The following THRAP3 variants were observed in gnomAD, a reference collection of about 807,000 sequenced individuals.
THRAP3 encodes thyroid hormone receptor-associated protein 3.
In THRAP3, 16 loss-of-function variants were observed where a neutral mutation model predicts 101.0. The observed-to-expected ratio is 0.16, with a 90% CI of 0.11 to 0.24. The LOEUF (loss-of-function observed/expected upper bound fraction) is 0.24. Ranked by LOEUF, THRAP3 falls within the 10% of genes least tolerant of loss-of-function variation. The pLI is 1.00. For synonymous variants in THRAP3, 407 were observed against 422.6 expected, an observed-to-expected ratio of 0.96 and a Z score of 0.45; for missense variants, 989 against 1,202.7, an observed-to-expected ratio of 0.82 and a Z score of 2.63.
At chr1:36,216,630 C>CA in the THRAP3 span, among the ~76,000 whole-genome samples, 1 of 150,814 alleles carries the variant, frequency 6.6e-6, no homozygotes, top group Admixed American at 6.6e-5. Flanking sequence ...ACAACAACAA[C>CA]AAAAAAATAG....
At chr1:36,250,936 G>A (rs958583256) in intron 1 of THRAP3, among the ~76,000 whole-genome samples, 1 of 151,838 alleles carries the variant, frequency 6.6e-6, no homozygotes, top group Non-Finnish European at 1.5e-5. Context: ...TAGTAGAGAT[G>A]GGGTTTTACC....
Position 36,258,552 on chromosome 1 carries a change from C to T in THRAP3, c.-134-830C>T, listed in dbSNP as rs191220764. Among the ~76,000 whole-genome samples the T allele has an allele frequency of 3.2e-3, 492 of 152,166 alleles. 4 individuals are homozygous for T. The highest frequency in any genetic ancestry group is 0.011 in the African/African-American group (468 of 41,522). On this transcript the variant is annotated intron_variant, in intron 1 of 11. Coordinates refer to ENST00000354618, the MANE Select transcript of THRAP3 (RefSeq NM_005119.4). The stretch of plus-strand genomic sequence containing the variant: ...GTACAGTGGCGCGATCTCGGCTCAC[C>T]GCAAGCTCCACCTCCTGGGTTCACG...
intron 1 of THRAP3, among the ~76,000 whole-genome samples, chr1:36,234,997 A>G (rs536722081): frequency 5.7e-4 from 87 of 151,986 alleles, no homozygotes; most frequent in African/African-American, 1.9e-3. Context: ...TATTTTTAGT[A>G]GATTCGGGGT....
At chr1:36,268,343 A>C (rs1316373690) in intron 2 of THRAP3, among the ~76,000 whole-genome samples, 2 of 152,170 alleles carry the variant, frequency 1.3e-5, no homozygotes, top group Non-Finnish European at 2.9e-5. Context: ...CTAGAAAAGG[A>C]AGAACAGAGA....
the THRAP3 span, among the ~76,000 whole-genome samples, chr1:36,217,079 A>G: frequency 1.3e-5 from 2 of 152,258 alleles, no homozygotes; most frequent in South Asian, 4.1e-4. Context: ...GACCCATGGT[A>G]TGTGCCCACC....
intron 1 of THRAP3, among the ~76,000 whole-genome samples, chr1:36,230,856 T>TTCAGGCTGCTTTTG (rs1645020344): frequency 6.6e-6 from 1 of 152,196 alleles, no homozygotes; most frequent in Non-Finnish European, 1.5e-5. Context: ...AGATTTTGTG[T>TTCAGGCTGCTTTTG]AAAAATGTGG....
intron 1 of THRAP3, among the ~76,000 whole-genome samples, chr1:36,249,692 G>GTGTGTA (rs1645274824): frequency 6.9e-6 from 1 of 144,126 alleles, no homozygotes; most frequent in African/African-American, 2.9e-5. Context: ...GTGAGTGTGT[G>GTGTGTA]TGTGTGTGTG....
intron 1 of THRAP3, among the ~76,000 whole-genome samples, chr1:36,228,024 C>T (rs998258949): frequency 6.6e-6 from 1 of 150,502 alleles, no homozygotes; most frequent in Non-Finnish European, 1.5e-5. Flanking sequence ...TACAGGCACC[C>T]GCCACCACAC....
intron 1 of THRAP3, among the ~76,000 whole-genome samples, chr1:36,230,743 C>A (rs1186078737): frequency 6.6e-6 from 1 of 152,110 alleles, no homozygotes; most frequent in East Asian, 1.9e-4. Flanking sequence ...ATGTTTTCAA[C>A]CTCTGCCTAA....
intron 1 of THRAP3, among the ~76,000 whole-genome samples, chr1:36,239,349 G>T (rs1038326031): frequency 2.8e-5 from 4 of 140,554 alleles, no homozygotes; most frequent in Non-Finnish European, 6.0e-5. Context: ...AACCTCCGCC[G>T]CCCCTGCACC....
At chr1:36,263,031 C>G (rs961679899) in intron 2 of THRAP3, among the ~76,000 whole-genome samples, 1 of 139,142 alleles carries the variant, frequency 7.2e-6, no homozygotes, top group African/African-American at 2.7e-5. Context: ...AGGATGGTCT[C>G]TATCTCCTGA....
the THRAP3 span, among the ~76,000 whole-genome samples, chr1:36,218,131 G>T: frequency 1.3e-5 from 2 of 152,096 alleles, no homozygotes; most frequent in South Asian, 4.2e-4. Flanking sequence ...CTGGGAGGCC[G>T]AAGTGGGTGG....
chr1:36,304,164 C>A lies in THRAP3; in HGVS notation c.*147C>A. ...GCACAGATTGTACTACCGCGAGAGGCATCCCTGGCGCTGTCTCCCACTGGA... is the reference window on the plus strand; with the variant it reads ...GCACAGATTGTACTACCGCGAGAGGAATCCCTGGCGCTGTCTCCCACTGGA... On this transcript the variant is annotated 3_prime_UTR_variant, in exon 12 of 12. Coordinates refer to ENST00000354618, the MANE Select transcript of THRAP3 (RefSeq NM_005119.4). 8.0e-7 allele frequency: 1 copy of A among 1,257,278 alleles called. No individual in the cohort carries two copies. The highest frequency in any genetic ancestry group is 1.1e-6 in the Non-Finnish European group (1 of 941,858). The allele number at this position is 1,257,278 out of a possible 1,614,324, so 77.9% of individuals were successfully genotyped here.
chr1:36,217,118 G>A, the THRAP3 span, among the ~76,000 whole-genome samples: 14 of 152,254 alleles, frequency 9.2e-5, no homozygotes, highest in Admixed American at 5.9e-4. Context: ...AGTTTTCTCT[G>A]CTTTGAGAGG....
At chr1:36,274,622 G>A (rs1645631808) in intron 2 of THRAP3, among the ~76,000 whole-genome samples, 1 of 129,158 alleles carries the variant, frequency 7.7e-6, no homozygotes, top group African/African-American at 2.8e-5. Flanking sequence ...ATGATTAATT[G>A]GGCTTTTTTT....
chr1:36,220,295 A>G (rs1186784510), upstream of THRAP3, among the ~76,000 whole-genome samples: 2 of 152,162 alleles, frequency 1.3e-5, no homozygotes, highest in African/African-American at 2.4e-5. Context: ...GCCCAGCCCT[A>G]ATGTTGTTTT....
the THRAP3 span, among the ~76,000 whole-genome samples, chr1:36,214,719 C>T: frequency 6.6e-6 from 1 of 151,898 alleles, no homozygotes; most frequent in Non-Finnish European, 1.5e-5. Flanking sequence ...ATTAGCCGAG[C>T]ATGGTGGCAC....
At chr1:36,303,587 A>G (rs1199623068) in intron 11 of THRAP3, among the ~76,000 whole-genome samples, 1 of 152,190 alleles carries the variant, frequency 6.6e-6, no homozygotes, top group African/African-American at 2.4e-5. Flanking sequence ...GTTACCTTAA[A>G]ATTCCTAAAT....
At chr1:36,261,641 G>A (rs766968614) in intron 2 of THRAP3, among the ~76,000 whole-genome samples, 12 of 152,166 alleles carry the variant, frequency 7.9e-5, no homozygotes, top group East Asian at 1.9e-4. Context: ...ACATGTATCT[G>A]GACTAAGTTC....
Sources: gnomAD v4.1 joint callset for allele counts (sites outside exome capture counted in the v4.1 genomes callset) on GRCh38, gnomAD v4.1.1 for gene constraint, MANE v1.5 for transcripts, NCBI Gene and HGNC (gene_info 2026-07-23, HGNC 2026-07-21) for gene names.